The following NELL1 variants were observed in gnomAD, a reference collection of about 807,000 sequenced individuals.
NELL1 encodes the protein neural EGFL like 1.
NELL1 carries 76 observed loss-of-function variants against 107.4 expected under a neutral mutation model. The ratio of observed to expected loss-of-function variants is 0.71; its 90% CI spans 0.59 to 0.86. NELL1 has a LOEUF of 0.86. NELL1 is among the 40% of genes least tolerant of loss of function. The pLI, the probability that NELL1 is intolerant of heterozygous loss-of-function variation, is 0.00. For missense variants in NELL1, 1,024 were observed against 1,005.5 expected (o/e 1.02, Z -0.25); for synonymous variants, 353 against 341.2 (o/e 1.03, Z -0.38).
Position 21,535,533 on chromosome 11 carries a change from T to A in NELL1, c.1786+1019T>A, listed in dbSNP as rs1175260540. On this transcript the variant is annotated intron_variant, in intron 16 of 19. Transcript: ENST00000357134. ...GATGAATTACAGAACAATGGCCACG[T>A]GGCATGAATTATCCCCCATAGTCTT... is the stretch of plus-strand genomic sequence containing the variant. Among the ~76,000 whole-genome samples the A allele has an allele frequency of 6.6e-5, 10 of 152,178 alleles. 1 individual carries two copies. The highest frequency in any genetic ancestry group is 1.5e-4 in the Non-Finnish European group (10 of 68,028).
intron 14 of NELL1, among the ~76,000 whole-genome samples, chr11:21,353,898 T>C (rs973919976): frequency 1.3e-5 from 2 of 152,200 alleles, no homozygotes; most frequent in Non-Finnish European, 2.9e-5. Flanking sequence ...GGGTTTCATT[T>C]GCCTTAATTT....
chr11:20,928,848 A>G (rs1001067600), intron 9 of NELL1, among the ~76,000 whole-genome samples: 1 of 152,222 alleles, frequency 6.6e-6, no homozygotes, highest in Non-Finnish European at 1.5e-5. Context: ...TAAATGATCA[A>G]GTTAAAGGCC....
intron 15 of NELL1, among the ~76,000 whole-genome samples, chr11:21,440,098 GT>G (rs1235911184): frequency 6.6e-6 from 1 of 152,084 alleles, no homozygotes; most frequent in Non-Finnish European, 1.5e-5. Flanking sequence ...TTAATACAAA[GT>G]TAATTCATAG....
intron 2 of NELL1, among the ~76,000 whole-genome samples, chr11:20,680,684 C>T (rs80324291): frequency 0.035 from 5,379 of 152,166 alleles, 333 homozygotes; most frequent in African/African-American, 0.12. Flanking sequence ...AAATAATCCT[C>T]TTTGGTTTTG....
chr11:21,400,895 C>G (rs1297913795), intron 15 of NELL1, among the ~76,000 whole-genome samples: 3 of 151,824 alleles, frequency 2.0e-5, no homozygotes, highest in African/African-American at 7.3e-5. Flanking sequence ...CATAGGAGGA[C>G]AGGGAATGGA....
chr11:21,083,894 T>C (rs1181160495), intron 12 of NELL1, among the ~76,000 whole-genome samples: 1 of 152,200 alleles, frequency 6.6e-6, no homozygotes, highest in African/African-American at 2.4e-5. Context: ...TTAATTTATA[T>C]AAGGCAAAAG....
chr11:21,028,879 T>C (rs568708870), intron 12 of NELL1, among the ~76,000 whole-genome samples: 1 of 152,242 alleles, frequency 6.6e-6, no homozygotes, highest in East Asian at 1.9e-4. Context: ...ATTTTATTTG[T>C]ATATTGCCCT....
chr11:21,514,186 ATAC>A (rs1299336178), intron 15 of NELL1, among the ~76,000 whole-genome samples: 1 of 152,240 alleles, frequency 6.6e-6, no homozygotes, highest in East Asian at 1.9e-4. Flanking sequence ...TATCAAAATA[ATAC>A]ATTAAAGAAA....
intron 13 of NELL1, among the ~76,000 whole-genome samples, chr11:21,151,036 G>A (rs974164203): frequency 1.3e-5 from 2 of 152,118 alleles, no homozygotes; most frequent in African/African-American, 2.4e-5. Flanking sequence ...CATGAAATCA[G>A]CAAGGGGAAA....
Position 21,575,092 on chromosome 11 carries a change from CG to C in NELL1, c.*72del, listed in dbSNP as rs1564969537. ...ATCCAACGTGATTAAGGATAGGAAT[CG>C]GTAGTTTGGTTTTTTTGTTTGTTTT... On this transcript the variant is annotated 3_prime_UTR_variant, in exon 20 of 20. Coordinates refer to ENST00000357134, the MANE Select transcript of NELL1 (RefSeq NM_006157.5). 4.5e-6 allele frequency: 6 copies of C among 1,348,090 alleles called. No homozygotes were observed. The highest frequency in any genetic ancestry group is 6.4e-6 in the Non-Finnish European group (6 of 943,258). The allele number at this position is 1,348,090 out of a possible 1,614,324, so 83.5% of individuals were successfully genotyped here.
Position 21,483,725 on chromosome 11 carries a change from G to A in NELL1, c.1646-50649G>A, listed in dbSNP as rs953152718. ...TTATGCTATTAGTAATTAGTTCAAA[G>A]AGTGAACAAATAGAAGTAAACAAGT... On this transcript the variant is annotated intron_variant, in intron 15 of 19. Coordinates refer to ENST00000357134, the MANE Select transcript of NELL1 (RefSeq NM_006157.5). Among the ~76,000 whole-genome samples, 6 of 151,048 alleles carry A rather than the reference G, an allele frequency of 4.0e-5. No individual in the cohort carries two copies. In the South Asian group the frequency reaches 8.3e-4, roughly 21 times the overall value.
chr11:21,230,128 T>A (rs2133884670), intron 14 of NELL1, among the ~76,000 whole-genome samples: 1 of 152,324 alleles, frequency 6.6e-6, no homozygotes, highest in African/African-American at 2.4e-5. Context: ...CACAGAAATG[T>A]TCTTTGACCA....
At chr11:20,988,319 TA>T (rs1300060835) in intron 12 of NELL1, among the ~76,000 whole-genome samples, 4 of 151,922 alleles carry the variant, frequency 2.6e-5, no homozygotes, top group African/African-American at 9.7e-5. Flanking sequence ...CAAGACCTAT[TA>T]CCATCTGCTT....
chr11:21,474,097 T>G (rs1257885541), intron 15 of NELL1, among the ~76,000 whole-genome samples: 1 of 152,094 alleles, frequency 6.6e-6, no homozygotes, highest in African/African-American at 2.4e-5. Context: ...CCTATGAGAT[T>G]CTGCATAATC....
chr11:21,227,747 G>T (rs1160125429), intron 13 of NELL1, among the ~76,000 whole-genome samples: 1 of 152,146 alleles, frequency 6.6e-6, no homozygotes, highest in East Asian at 1.9e-4. Context: ...GCTAACCTGT[G>T]CACATTTCTT....
At chr11:21,274,857 C>T (rs1462469667) in intron 14 of NELL1, among the ~76,000 whole-genome samples, 1 of 152,094 alleles carries the variant, frequency 6.6e-6, no homozygotes, top group Non-Finnish European at 1.5e-5. Context: ...CCAGTGAGAA[C>T]AAAGACACAA....
chr11:21,405,093 AG>A, intron 15 of NELL1, among the ~76,000 whole-genome samples: 1 of 152,160 alleles, frequency 6.6e-6, no homozygotes, highest in African/African-American at 2.4e-5. Context: ...ATGATCTCTA[AG>A]GGCACTTTTG....
At chr11:20,993,758 G>A (rs1289767492) in intron 12 of NELL1, among the ~76,000 whole-genome samples, 1 of 152,020 alleles carries the variant, frequency 6.6e-6, no homozygotes, top group Non-Finnish European at 1.5e-5. Context: ...CAAGAAAAAT[G>A]TCTGTACATA....
At position 21,534,439 on chromosome 11, in the gene NELL1, G is replaced by C; in HGVS notation, c.1711G>C (p.Gly571Arg). ...CCATTCCCGCTGCGTTAACCTGCCA[G>C]GGTGGTACCACTGTGAGTGCAGAAG... ...HNHSRCVNLPGWYHCECRSGF... is the reference protein window; with the variant it reads ...HNHSRCVNLPRWYHCECRSGF... Residue 571 changes from glycine to arginine, a missense_variant, in exon 16 of 20, where the codon GGG (glycine) becomes CGG (arginine). Physicochemically the swap from Gly to Arg is moderately radical, Grantham distance 125. Coordinates refer to ENST00000357134, the MANE Select transcript of NELL1 (RefSeq NM_006157.5). 6.2e-7 allele frequency: 1 copy of C among 1,613,876 alleles called. No homozygotes were observed. Among genetic ancestry groups the C allele is most frequent in the Non-Finnish European group, 8.5e-7 (1 of 1,179,862 alleles).
Sources: gnomAD v4.1 joint callset for allele counts (sites outside exome capture counted in the v4.1 genomes callset) on GRCh38, gnomAD v4.1.1 for gene constraint, MANE v1.5 for transcripts, NCBI Gene and HGNC (gene_info 2026-07-23, HGNC 2026-07-21) for gene names.